Variants in ELP3 observed in about 807,000 individuals in gnomAD.
The protein encoded by ELP3 is elongator complex protein 3.
ELP3 carries 56 observed loss-of-function variants against 74.9 expected under a neutral mutation model. The ratio of observed to expected loss-of-function variants is 0.75; its 90% CI spans 0.60 to 0.93. The LOEUF is 0.93. Ranked by LOEUF, ELP3 falls within the 40% of genes least tolerant of loss-of-function variation. The pLI is 0.00. For synonymous variants in ELP3, 222 were observed against 239.8 expected (o/e 0.93, Z 0.68); for missense variants, 573 against 686.5 (o/e 0.83, Z 1.85).
At chr8:28,155,883 T>C in intron 10 of ELP3, 59 bp from the exon 11 acceptor site, 3 of 1,367,916 alleles carry the variant, frequency 2.2e-6, no homozygotes, top group Non-Finnish European at 3.1e-6. Flanking sequence ...ATCCTTGCCT[T>C]ACTGCTGTGG....
At chr8:28,121,439 C>T (rs7016627) in intron 7 of ELP3, among the ~76,000 whole-genome samples, 16,826 of 151,512 alleles carry the variant, frequency 0.11, 1,772 homozygotes, top group East Asian at 0.33. Context: ...CCTGCCTCAG[C>T]CTCCCGAGTA....
At chr8:28,090,310 G>A (rs780754320), upstream of ELP3, 5 of 405,280 alleles carry the variant, frequency 1.2e-5, no homozygotes, top group African/African-American at 4.1e-5. Flanking sequence ...TTCCTGGTCT[G>A]GTGGTGAATC....
chr8:28,125,759 C>CTTTTTTTTT (rs755484214), intron 7 of ELP3, among the ~76,000 whole-genome samples: 112 of 92,190 alleles, frequency 1.2e-3, no homozygotes, highest in Non-Finnish European at 1.7e-3. Flanking sequence ...AGTCATTTCT[C>CTTTTTTTTT]TTTTTTTTTT....
intron 1 of ELP3, among the ~76,000 whole-genome samples, chr8:28,095,354 C>T (rs575594426): frequency 6.6e-6 from 1 of 152,318 alleles, no homozygotes; most frequent in Admixed American, 6.5e-5. Flanking sequence ...TACACAGAAC[C>T]TCAATATATA....
intron 7 of ELP3, chr8:28,118,789 T>G (rs377317315): frequency 1.1e-4 from 17 of 152,244 alleles, no homozygotes; most frequent in Non-Finnish European, 2.2e-4. Context: ...AAGATGCAAT[T>G]TAAAGGGTAG....
intron 10 of ELP3, among the ~76,000 whole-genome samples, chr8:28,140,251 G>A (rs1813184460): frequency 6.6e-6 from 1 of 151,932 alleles, no homozygotes; most frequent in African/African-American, 2.4e-5. Flanking sequence ...AACCTCTTGT[G>A]CCAGAAAGTA....
At chr8:28,134,988 G>C (rs1392602673) in intron 9 of ELP3, among the ~76,000 whole-genome samples, 1 of 151,818 alleles carries the variant, frequency 6.6e-6, no homozygotes, top group Admixed American at 6.5e-5. Flanking sequence ...GAGTGCAATG[G>C]CACGATCTTG....
rs1811767887 is a variant in ELP3 at position 28,108,065 on chromosome 8, TTTTG to T, written c.393+93_393+96del. On this transcript the variant is annotated intron_variant, in intron 5 of 14. Coordinates refer to ENST00000256398, the MANE Select transcript of ELP3 (RefSeq NM_018091.6). ...TACCAGTACTGGCTTTCTGACAATT[TTTTG>T]TTTTTGTTTTTGTTTTTTTCTGATT... 3.9e-6 allele frequency: 4 copies of T among 1,028,116 alleles called. No individual in the cohort carries two copies. In the Admixed American group the frequency reaches 1.1e-4, roughly 27 times the overall value. 63.7% of individuals were successfully genotyped at this position (1,028,116 alleles called of 1,614,324 possible).
chr8:28,156,111 A>G, intron 11 of ELP3, 79 bp downstream of exon 11: 1 of 1,133,140 alleles, frequency 8.8e-7, no homozygotes, highest in South Asian at 1.3e-5. Context: ...TGCCACTACC[A>G]CCCCTAAAAC....
chr8:28,139,206 G>A (rs535786577), intron 10 of ELP3, among the ~76,000 whole-genome samples: 2 of 152,230 alleles, frequency 1.3e-5, no homozygotes, highest in Non-Finnish European at 2.9e-5. Flanking sequence ...GTGGGTTGGG[G>A]GTATATGCAG....
At position 28,190,159 on chromosome 8, in the gene ELP3, C is replaced by T. The variant is rs1267704505; in HGVS notation, c.*434C>T. The T allele has an allele frequency of 6.3e-6, 1 of 157,670 alleles. No homozygotes were observed. Among genetic ancestry groups the T allele is most frequent in the Non-Finnish European group, 1.4e-5 (1 of 71,282 alleles). 9.8% of individuals were successfully genotyped at this position (157,670 alleles called of 1,614,324 possible). ...AAGTCAGGTTGAAACAGGAAAACCA[C>T]CAGACTCTAATCTCAGCCCTTTAAC... is the stretch of plus-strand genomic sequence containing the variant. On this transcript the variant is annotated 3_prime_UTR_variant, in exon 15 of 15. Coordinates refer to ENST00000256398, the MANE Select transcript of ELP3 (RefSeq NM_018091.6).
chr8:28,114,490 A>C (rs1020957317), intron 7 of ELP3, among the ~76,000 whole-genome samples: 1 of 152,128 alleles, frequency 6.6e-6, no homozygotes, highest in Non-Finnish European at 1.5e-5. Context: ...GAGCCAGTAC[A>C]TCACATGACG....
chr8:28,122,569 A>G (rs1421050031), intron 7 of ELP3, among the ~76,000 whole-genome samples: 2 of 152,168 alleles, frequency 1.3e-5, no homozygotes, highest in African/African-American at 4.8e-5. Flanking sequence ...TCATTTTGTC[A>G]AACATTTTGG....
intron 5 of ELP3, 65 bp from the exon 6 acceptor site, chr8:28,110,305 A>G (rs780700593): frequency 1.2e-5 from 16 of 1,364,580 alleles, no homozygotes; most frequent in African/African-American, 5.8e-5. Context: ...TTTAAAATAC[A>G]GTCCTTTTGA....
intron 1 of ELP3, chr8:28,093,726 T>C (rs1390104614): frequency 6.1e-6 from 1 of 162,878 alleles, no homozygotes; most frequent in Non-Finnish European, 1.4e-5. Context: ...CTTTGGTTTT[T>C]CAACAGGACG....
rs532279222 is a variant in ELP3, at chr8:28,124,130, C to T, written c.618-5372C>T. Among the ~76,000 whole-genome samples the T allele has an allele frequency of 3.3e-5, 5 of 152,186 alleles. No individual in the cohort carries two copies. In the South Asian group the frequency reaches 1.0e-3, roughly 32 times the overall value. On this transcript the variant is annotated intron_variant, in intron 7 of 14. Coordinates refer to ENST00000256398, the MANE Select transcript of ELP3 (RefSeq NM_018091.6). Reference sequence around the variant, plus strand: ...TAGTTGTAATGAATACTATTATGGTCTAATTCTTTATAATGTATTTTTTCT... The same window carrying T: ...TAGTTGTAATGAATACTATTATGGTTTAATTCTTTATAATGTATTTTTTCT...
chr8:28,119,367 A>G (rs756497954), intron 7 of ELP3, among the ~76,000 whole-genome samples: 11 of 151,852 alleles, frequency 7.2e-5, no homozygotes, highest in African/African-American at 2.4e-4. Flanking sequence ...GCTTTATCAC[A>G]TATCTGTCAG....
intron 9 of ELP3, among the ~76,000 whole-genome samples, chr8:28,135,441 T>C (rs373970874): frequency 1.3e-5 from 2 of 152,312 alleles, no homozygotes; most frequent in East Asian, 3.9e-4. Flanking sequence ...TGCTTTGGGC[T>C]GAGTGGCCTG....
chr8:28,177,549 TAAAC>T (rs1814810425), intron 14 of ELP3, among the ~76,000 whole-genome samples: 1 of 152,266 alleles, frequency 6.6e-6, no homozygotes, highest in African/African-American at 2.4e-5. Flanking sequence ...TTCTTTTAAT[TAAAC>T]AATCATAAAT....
Sources: gnomAD v4.1 joint callset for allele counts (sites outside exome capture counted in the v4.1 genomes callset) on GRCh38, gnomAD v4.1.1 for gene constraint, MANE v1.5 for transcripts, NCBI Gene and HGNC (gene_info 2026-07-23, HGNC 2026-07-21) for gene names.